Variants in HABP2 observed in about 807,000 individuals in gnomAD.
HABP2 encodes hyaluronan binding protein 2, also known as factor VII-activating protease.
In HABP2, 65 loss-of-function variants were observed where a neutral mutation model predicts 66.5. That is an observed-to-expected ratio of 0.98 (90% confidence interval 0.80 to 1.20). The LOEUF is 1.20. Among genes scored for constraint, HABP2 ranks in the 50% most tolerant of loss-of-function variants. The probability of loss-of-function intolerance (pLI) is 0.00; values close to 1 mark genes in which losing one functional copy is unlikely to be tolerated. For synonymous variants in HABP2, 263 were observed against 253.9 expected (o/e 1.04, Z -0.34); for missense variants, 786 against 691.0 (o/e 1.14, Z -1.54).
At chr10:113,570,640 A>G (rs952558380) in intron 2 of HABP2, among the ~76,000 whole-genome samples, 1 of 152,250 alleles carries the variant, frequency 6.6e-6, no homozygotes, top group Non-Finnish European at 1.5e-5. Flanking sequence ...TACAGAGCTC[A>G]TCAGGTATTT....
upstream of HABP2, among the ~76,000 whole-genome samples, chr10:113,552,714 T>C (rs948749787): frequency 1.3e-5 from 2 of 152,184 alleles, no homozygotes; most frequent in Non-Finnish European, 2.9e-5. Context: ...TCTATTAACA[T>C]TCTGTACAAA....
At chr10:113,557,457 C>A (rs553595038) in intron 1 of HABP2, among the ~76,000 whole-genome samples, 1 of 152,146 alleles carries the variant, frequency 6.6e-6, no homozygotes, top group Non-Finnish European at 1.5e-5. Context: ...AATGCAAGAG[C>A]AATTCTGCTG....
intron 11 of HABP2, 86 bp downstream of exon 11, chr10:113,584,368 T>G: frequency 9.2e-7 from 1 of 1,087,094 alleles, no homozygotes; most frequent in South Asian, 1.3e-5. Context: ...CTTTTGAAGT[T>G]GAAATGAGTG....
intron 10 of HABP2, among the ~76,000 whole-genome samples, 179 bp downstream of exon 10, chr10:113,583,537 A>T (rs1005193588): frequency 1.3e-5 from 2 of 152,208 alleles, no homozygotes; most frequent in African/African-American, 4.8e-5. Context: ...GCAAATGTAG[A>T]TAAATGGGCA....
chr10:113,581,395 T>C (rs1421284501), intron 8 of HABP2, among the ~76,000 whole-genome samples: 1 of 152,214 alleles, frequency 6.6e-6, no homozygotes, highest in African/African-American at 2.4e-5. Flanking sequence ...TCTCCTTTTG[T>C]GTCACAGTCA....
Position 113,588,820 on chromosome 10 carries a change from A to G in HABP2, c.*451A>G. Reference sequence around the variant, plus strand: ...TATCAGAGAGGACCACAAATACAACATTCTCCATCTGCTTTCAGAGTTATT... The same window carrying G: ...TATCAGAGAGGACCACAAATACAACGTTCTCCATCTGCTTTCAGAGTTATT... On this transcript the variant is annotated 3_prime_UTR_variant, in exon 13 of 13. Coordinates refer to ENST00000351270, the MANE Select transcript of HABP2 (RefSeq NM_004132.5). The G allele has an allele frequency of 1.5e-6, 1 of 654,992 alleles. No homozygotes were observed. The highest frequency in any genetic ancestry group is 2.7e-6 in the Non-Finnish European group (1 of 367,500). 40.6% of individuals were successfully genotyped at this position (654,992 alleles called of 1,614,324 possible). A position where few individuals can be genotyped will look rare whatever the true frequency, so the allele number is the denominator to read the frequency against.
rs770575545 is a variant in HABP2, at chr10:113,577,159, C to G, written c.341C>G (p.Thr114Arg). 3 of 1,594,754 alleles carry G rather than the reference C, an allele frequency of 1.9e-6. No homozygotes were observed. In the East Asian group the frequency reaches 6.7e-5, roughly 36 times the overall value. ...SGNKCQKVQN[T>R]CKDNPCGRGQ... ...TATGGATCTCCTACAGTGCAAAATA[C>G]GTGCAAGGACAACCCATGTGGCCGG... The change falls in exon 5 of 13, where the codon ACG (threonine) becomes AGG (arginine). Residue 114 changes from threonine (T) to arginine (R), a missense_variant. Thr to Arg is a moderately conservative substitution (Grantham distance 71). Coordinates refer to ENST00000351270, the MANE Select transcript of HABP2 (RefSeq NM_004132.5).
chr10:113,551,364 G>T (rs1028198183), upstream of HABP2, among the ~76,000 whole-genome samples: 1 of 152,242 alleles, frequency 6.6e-6, no homozygotes, highest in Non-Finnish European at 1.5e-5. Flanking sequence ...AGGAAGTAAT[G>T]TTTGGGCTAA....
At chr10:113,566,773 G>A (rs1325244681) in intron 1 of HABP2, among the ~76,000 whole-genome samples, 1 of 152,198 alleles carries the variant, frequency 6.6e-6, no homozygotes, top group Admixed American at 6.5e-5. Context: ...ATAGAGGGGG[G>A]CTTCCAGGCA....
At chr10:113,564,073 C>T (rs1482506356) in intron 1 of HABP2, among the ~76,000 whole-genome samples, 1 of 152,168 alleles carries the variant, frequency 6.6e-6, no homozygotes, top group Non-Finnish European at 1.5e-5. Context: ...GTTTAATAGA[C>T]TCACAGTTCC....
chr10:113,561,590 T>G (rs1845101275), intron 1 of HABP2, among the ~76,000 whole-genome samples: 1 of 152,098 alleles, frequency 6.6e-6, no homozygotes, highest in Admixed American at 6.5e-5. Context: ...GAAGAAGAGA[T>G]GGTGTGATTA....
chr10:113,572,406 C>G (rs1254931999), intron 2 of HABP2, among the ~76,000 whole-genome samples: 2 of 152,210 alleles, frequency 1.3e-5, no homozygotes, highest in Non-Finnish European at 2.9e-5. Context: ...CCAAGATTAG[C>G]TGGTCTGACT....
At chr10:113,573,301 T>A (rs10749136) in intron 2 of HABP2, among the ~76,000 whole-genome samples, 36,820 of 152,126 alleles carry the variant, frequency 0.24, 5,580 homozygotes, top group Admixed American at 0.35. Flanking sequence ...TACACATACC[T>A]GTTTTTTTTC....
chr10:113,567,351 A>G, intron 1 of HABP2, 138 bp from the exon 2 acceptor site: 1 of 703,398 alleles, frequency 1.4e-6, no homozygotes, highest in Non-Finnish European at 2.6e-6. Flanking sequence ...CCTCCCTTCA[A>G]CCTCTAGCCC....
intron 7 of HABP2, among the ~76,000 whole-genome samples, chr10:113,580,171 G>GGGA (rs763554788): frequency 1.5e-4 from 22 of 143,442 alleles, no homozygotes; most frequent in Admixed American, 2.8e-4. Context: ...CGGGGGCGGG[G>GGGA]GGAGGGGGGG....
intron 5 of HABP2, 59 bp from the exon 6 acceptor site, chr10:113,577,967 C>T: frequency 6.3e-7 from 1 of 1,588,764 alleles, no homozygotes; most frequent in South Asian, 1.1e-5. Flanking sequence ...CTTGTCATCT[C>T]AGACATGGGC....
intron 11 of HABP2, 90 bp from the exon 12 acceptor site, chr10:113,585,702 TG>T: frequency 2.1e-6 from 2 of 944,222 alleles, no homozygotes; most frequent in Non-Finnish European, 3.5e-6. Flanking sequence ...TAAGAGTTGG[TG>T]GGCTTCTCCC....
chr10:113,587,531 C>T (rs1219686090), intron 12 of HABP2, among the ~76,000 whole-genome samples: 1 of 152,078 alleles, frequency 6.6e-6, no homozygotes, highest in Non-Finnish European at 1.5e-5. Flanking sequence ...AAGGTCGTGG[C>T]TAAGTTTAAA....
At chr10:113,574,025 G>A (rs531488767) in intron 2 of HABP2, among the ~76,000 whole-genome samples, 11 of 152,230 alleles carry the variant, frequency 7.2e-5, no homozygotes, top group Non-Finnish European at 1.0e-4. Context: ...GCTGGACTTC[G>A]CTTCATCTCT....
Sources: allele counts gnomAD v4.1 joint callset (sites outside exome capture counted in the v4.1 genomes callset), GRCh38; gene constraint gnomAD v4.1.1; transcripts MANE v1.5; gene names NCBI Gene and HGNC (gene_info 2026-07-23, HGNC 2026-07-21).